The following ABTB3 variants were observed in gnomAD, a reference collection of about 807,000 sequenced individuals.
ABTB3 encodes the protein ankyrin repeat and BTB domain containing 3.
the ABTB3 span, among the ~76,000 whole-genome samples, chr12:107,481,166 A>T: frequency 6.6e-6 from 1 of 152,138 alleles, no homozygotes; most frequent in Admixed American, 6.5e-5. Context: ...AGGTGGAGAA[A>T]CCCTGCTTTG....
the ABTB3 span, among the ~76,000 whole-genome samples, chr12:107,334,613 T>A: frequency 3.9e-5 from 6 of 152,258 alleles, no homozygotes; most frequent in East Asian, 1.2e-3. Context: ...GATACTCATT[T>A]AGGAGTATCT....
the ABTB3 span, among the ~76,000 whole-genome samples, chr12:107,336,682 C>T: frequency 6.6e-6 from 1 of 152,214 alleles, no homozygotes; most frequent in Non-Finnish European, 1.5e-5. Context: ...TCAGTCTTTA[C>T]AGATCATCTT....
At chr12:107,404,384 A>C in the ABTB3 span, among the ~76,000 whole-genome samples, 1 of 152,146 alleles carries the variant, frequency 6.6e-6, no homozygotes, top group African/African-American at 2.4e-5. Context: ...GAGAGGGTCC[A>C]GAAAAACTTG....
At chr12:107,414,600 T>C in the ABTB3 span, among the ~76,000 whole-genome samples, 8 of 152,094 alleles carry the variant, frequency 5.3e-5, 1 homozygote, top group Admixed American at 4.6e-4. Context: ...ATTCGGCTAT[T>C]TTTTTCCTGC....
chr12:107,476,989 T>G, the ABTB3 span, among the ~76,000 whole-genome samples: 1 of 152,200 alleles, frequency 6.6e-6, no homozygotes, highest in Admixed American at 6.5e-5. Context: ...GTTTTCTAGC[T>G]GGTGGAAGGG....
the ABTB3 span, among the ~76,000 whole-genome samples, chr12:107,613,684 T>C: frequency 6.6e-6 from 1 of 152,162 alleles, no homozygotes; most frequent in African/African-American, 2.4e-5. Context: ...AACCTCGTCA[T>C]AGGTGAAATA....
At chr12:107,498,381 C>T in the ABTB3 span, among the ~76,000 whole-genome samples, 19 of 152,178 alleles carry the variant, frequency 1.2e-4, no homozygotes, top group Non-Finnish European at 2.4e-4. Context: ...TGAGGAGCCT[C>T]GTGAAGCTCA....
chr12:107,373,385 C>T, the ABTB3 span, among the ~76,000 whole-genome samples: 5 of 152,108 alleles, frequency 3.3e-5, no homozygotes, highest in African/African-American at 1.2e-4. Context: ...AAGCCATTAG[C>T]TTGAACCCAC....
chr12:107,626,808 A>G, the ABTB3 span, among the ~76,000 whole-genome samples: 2 of 152,096 alleles, frequency 1.3e-5, no homozygotes, highest in Admixed American at 1.3e-4. Flanking sequence ...TTGTGCCTCT[A>G]CCTCTCTAAT....
chr12:107,594,114 C>T, the ABTB3 span, among the ~76,000 whole-genome samples: 2 of 152,180 alleles, frequency 1.3e-5, no homozygotes, highest in African/African-American at 4.8e-5. Flanking sequence ...AGAGGTGACT[C>T]CTTCTCTGGA....
chr12:107,617,347 C>T, the ABTB3 span: 17 of 1,613,992 alleles, frequency 1.1e-5, no homozygotes, highest in East Asian at 8.9e-5. Flanking sequence ...GTGCCGATCC[C>T]CTGATAGGAA....
the ABTB3 span, among the ~76,000 whole-genome samples, chr12:107,536,648 T>C: frequency 6.6e-6 from 1 of 152,132 alleles, no homozygotes; most frequent in Non-Finnish European, 1.5e-5. Context: ...ACATCAGTAA[T>C]CATCGAGGAA....
the ABTB3 span, among the ~76,000 whole-genome samples, chr12:107,421,011 T>C: frequency 1.2e-4 from 18 of 152,278 alleles, 1 homozygote; most frequent in Middle Eastern, 0.01. Flanking sequence ...TAAGCTGTTA[T>C]AAAAGAGTAG....
chr12:107,391,291 A>G, the ABTB3 span, among the ~76,000 whole-genome samples: 1 of 152,232 alleles, frequency 6.6e-6, no homozygotes, highest in Admixed American at 6.5e-5. Context: ...CACAGTGTGT[A>G]AAGTGATGCT....
the ABTB3 span, among the ~76,000 whole-genome samples, chr12:107,655,256 A>AATATATATATATAT: frequency 4.0e-3 from 601 of 148,820 alleles, 5 homozygotes; most frequent in African/African-American, 0.014. Context: ...GCCTCTTTCA[A>AATATATATATATAT]ATATATATAT....
the ABTB3 span, chr12:107,580,703 A>T: frequency 1.2e-6 from 1 of 867,508 alleles, no homozygotes; most frequent in East Asian, 3.0e-5. Context: ...AGGGAGTGCT[A>T]GCGGACACCT....
the ABTB3 span, among the ~76,000 whole-genome samples, chr12:107,465,330 C>T: frequency 6.6e-6 from 1 of 152,126 alleles, no homozygotes; most frequent in Non-Finnish European, 1.5e-5. Context: ...TTGCCCAGTG[C>T]CTTCCTAGGC....
the ABTB3 span, among the ~76,000 whole-genome samples, chr12:107,588,800 C>T: frequency 2.2e-4 from 33 of 152,204 alleles, no homozygotes; most frequent in Non-Finnish European, 3.7e-4. Flanking sequence ...AGATTACAAG[C>T]GTGAGCCACC....
At chr12:107,357,842 G>C in the ABTB3 span, among the ~76,000 whole-genome samples, 1 of 152,222 alleles carries the variant, frequency 6.6e-6, no homozygotes. Context: ...TAGGATGAGA[G>C]ATGGTAGTTG....
Sources: gnomAD v4.1 joint callset for allele counts (sites outside exome capture counted in the v4.1 genomes callset) on GRCh38, gnomAD v4.1.1 for gene constraint, MANE v1.5 for transcripts, NCBI Gene and HGNC (gene_info 2026-07-23, HGNC 2026-07-21) for gene names.